JARID2: variants seen among roughly 807,000 people sequenced by gnomAD.
The protein encoded by JARID2 is jumonji and AT-rich interaction domain containing 2, also known as protein Jumonji.
JARID2 carries 21 observed loss-of-function variants against 125.6 expected under a neutral mutation model. The observed-to-expected ratio is 0.17, with a 90% confidence interval of 0.12 to 0.24. The LOEUF (loss-of-function observed/expected upper bound fraction) is 0.24. Ranked by LOEUF, JARID2 falls within the 10% of genes least tolerant of loss-of-function variation. JARID2 has a pLI of 1.00. For missense variants in JARID2, 1,303 were observed against 1,639.6 expected, an observed-to-expected ratio of 0.79 and a Z score of 3.55; for synonymous variants, 736 against 661.6, an observed-to-expected ratio of 1.11 and a Z score of -1.73.
At chr6:15,320,385 G>GT (rs1762312017) in intron 1 of JARID2, among the ~76,000 whole-genome samples, 1 of 152,238 alleles carries the variant, frequency 6.6e-6, no homozygotes, top group Admixed American at 6.5e-5. Flanking sequence ...TTCGTAGAAT[G>GT]TAAGTGTGAG....
chr6:15,349,316 A>G (rs1214627495), intron 1 of JARID2, among the ~76,000 whole-genome samples: 1 of 152,188 alleles, frequency 6.6e-6, no homozygotes, highest in African/African-American at 2.4e-5. Context: ...TTTTGTGGGC[A>G]GGTAAGTTTT....
intron 1 of JARID2, among the ~76,000 whole-genome samples, chr6:15,354,993 C>T (rs1047573509): frequency 6.6e-6 from 1 of 152,078 alleles, no homozygotes; most frequent in South Asian, 2.1e-4. Context: ...GATAAGAGTT[C>T]AAGAAAGAAA....
intron 2 of JARID2, among the ~76,000 whole-genome samples, chr6:15,385,684 A>G (rs1467900767): frequency 1.3e-5 from 2 of 151,938 alleles, no homozygotes; most frequent in East Asian, 3.9e-4. Context: ...GAGCATGCAG[A>G]CGGCTCAGTG....
intron 7 of JARID2, among the ~76,000 whole-genome samples, chr6:15,500,698 C>T (rs1770691994): frequency 6.6e-6 from 1 of 152,160 alleles, no homozygotes; most frequent in Non-Finnish European, 1.5e-5. Context: ...CCTCGTTCCA[C>T]CTGCTCTTCG....
rs530723515 is a variant in JARID2 at position 15,368,021 on chromosome 6, G to T, written c.46-6096G>T. On this transcript the variant is annotated intron_variant, in intron 1 of 17. Coordinates refer to ENST00000341776, the MANE Select transcript of JARID2 (RefSeq NM_004973.4). The stretch of plus-strand genomic sequence containing the variant: ...TCACTGCAGAACACCATCCTGTAAA[G>T]GCTTTTTCTTGGTGGGTGATCCAAC... 4.6e-5 allele frequency among the ~76,000 whole-genome samples: 7 copies of T among 152,196 alleles called. No homozygotes were observed. The East Asian group carries it at 1.4e-3, about 29-fold the overall frequency.
At chr6:15,423,336 T>C (rs1056173608) in intron 3 of JARID2, among the ~76,000 whole-genome samples, 6 of 152,132 alleles carry the variant, frequency 3.9e-5, no homozygotes, top group Non-Finnish European at 8.8e-5. Context: ...AAAGCTGAGG[T>C]CCAGCTCGTT....
chr6:15,297,780 G>T (rs1182986427), intron 1 of JARID2, among the ~76,000 whole-genome samples: 1 of 152,132 alleles, frequency 6.6e-6, no homozygotes, highest in Non-Finnish European at 1.5e-5. Flanking sequence ...CAACACTCCT[G>T]TCAGAGTTAG....
chr6:15,320,232 C>T (rs1474947760), intron 1 of JARID2, among the ~76,000 whole-genome samples: 2 of 152,166 alleles, frequency 1.3e-5, no homozygotes, highest in African/African-American at 4.8e-5. Context: ...GTGTTAATGT[C>T]CTCTACAATT....
rs185318770 is a variant in JARID2, at chr6:15,508,026, C to T, written c.2732-314C>T. Among the ~76,000 whole-genome samples, 434 of 152,348 alleles carry T rather than the reference C, an allele frequency of 2.8e-3. 2 individuals are homozygous for T. The highest frequency in any genetic ancestry group is 0.01 in the African/African-American group (418 of 41,578). On this transcript the variant is annotated intron_variant, in intron 11 of 17. Coordinates refer to ENST00000341776, the MANE Select transcript of JARID2 (RefSeq NM_004973.4). ...TTTTGGGTTTGGCGCCTCTGGTCCT[C>T]AGCCTTGAGGCTTGGGGGCTTCGGC...
chr6:15,306,391 A>G (rs1355710880), intron 1 of JARID2, among the ~76,000 whole-genome samples: 7 of 140,706 alleles, frequency 5.0e-5, no homozygotes, highest in Admixed American at 3.0e-4. Context: ...GTGGAGTGCA[A>G]TGGCACAATC....
chr6:15,461,903 C>A (rs1768469151), intron 4 of JARID2, among the ~76,000 whole-genome samples: 1 of 149,748 alleles, frequency 6.7e-6, no homozygotes, highest in Admixed American at 6.7e-5. Context: ...TTTGGAAATA[C>A]CTATTTAAAA....
chr6:15,391,765 C>T (rs534701648), intron 2 of JARID2, among the ~76,000 whole-genome samples: 1 of 152,280 alleles, frequency 6.6e-6, no homozygotes, highest in East Asian at 1.9e-4. Flanking sequence ...CAAGGCATGC[C>T]TTCACTGGCA....
chr6:15,417,412 T>A (rs1766280544), intron 3 of JARID2, among the ~76,000 whole-genome samples: 1 of 152,230 alleles, frequency 6.6e-6, no homozygotes, highest in African/African-American at 2.4e-5. Context: ...GATGGTGTTT[T>A]GTGACCTGAA....
chr6:15,322,515 A>G (rs1018458266), intron 1 of JARID2, among the ~76,000 whole-genome samples: 5 of 152,202 alleles, frequency 3.3e-5, no homozygotes, highest in African/African-American at 1.2e-4. Flanking sequence ...CTTTCCTTCA[A>G]AGTGGGAGAT....
chr6:15,473,514 GCCCCCC>G lies in JARID2; in HGVS notation c.670+4807_670+4812del, dbSNP rs3841758. Among the ~76,000 whole-genome samples the G allele has an allele frequency of 2.3e-3, 79 of 35,064 alleles. 15 individuals carry two copies. The highest frequency in any genetic ancestry group is 7.6e-3 in the Admixed American group (17 of 2,236). 23.0% of individuals were successfully genotyped at this position (35,064 alleles called of 152,430 possible). On this transcript the variant is annotated intron_variant, in intron 5 of 17. Transcript: ENST00000341776. Reference sequence around the variant, plus strand: ...GTCTCCCTTGTCTTCTGATGTGCGTGCCCCCCCCCCCCCCCCGCTTTGTGTCCTGCC... The same window carrying G: ...GTCTCCCTTGTCTTCTGATGTGCGTGCCCCCCCCCCGCTTTGTGTCCTGCC...
intron 1 of JARID2, among the ~76,000 whole-genome samples, chr6:15,320,271 A>G (rs1762308418): frequency 6.6e-6 from 1 of 152,248 alleles, no homozygotes; most frequent in Admixed American, 6.5e-5. Flanking sequence ...GTTAAGACAC[A>G]GGTAAGGTGT....
At chr6:15,349,258 T>C (rs973241722) in intron 1 of JARID2, among the ~76,000 whole-genome samples, 2 of 152,214 alleles carry the variant, frequency 1.3e-5, no homozygotes, top group African/African-American at 2.4e-5. Context: ...TGGTGACTTT[T>C]TGTTGGAGGT....
rs560015653 is a variant in JARID2 at position 15,265,589 on chromosome 6, AGTTAAGGCTACTTCTT to A, written c.45+19007_45+19022del. Among the ~76,000 whole-genome samples, 73 of 152,218 alleles carry A rather than the reference AGTTAAGGCTACTTCTT, an allele frequency of 4.8e-4. 1 individual carries two copies. In the East Asian group the frequency reaches 6.6e-3, roughly 14 times the overall value. ...CCTCATCTCTCCCCATGGGTACAGA[AGTTAAGGCTACTTCTT>A]GGCTGGCAGCCAAGAAGCCAGGAAA... On this transcript the variant is annotated intron_variant, in intron 1 of 17. Transcript: ENST00000341776.
chr6:15,400,096 G>T (rs1347637124), intron 2 of JARID2, among the ~76,000 whole-genome samples: 3 of 152,214 alleles, frequency 2.0e-5, no homozygotes, highest in Admixed American at 2.0e-4. Context: ...CACAGAGCCA[G>T]TTCTGTGAAA....
Sources: gnomAD v4.1 joint callset for allele counts (sites outside exome capture counted in the v4.1 genomes callset) on GRCh38, gnomAD v4.1.1 for gene constraint, MANE v1.5 for transcripts, NCBI Gene and HGNC (gene_info 2026-07-23, HGNC 2026-07-21) for gene names.